Variants in CPQ observed in about 807,000 individuals in gnomAD.
CPQ encodes carboxypeptidase Q, also known as Ser-Met dipeptidase.
In CPQ, 37 loss-of-function variants were observed where a neutral mutation model predicts 45.7. That is an observed-to-expected ratio of 0.81 (90% CI 0.62 to 1.07). The LOEUF (loss-of-function observed/expected upper bound fraction) is 1.07. Among genes scored for constraint, CPQ ranks in the 50% least tolerant of loss-of-function variants. The pLI is 0.00. For missense variants in CPQ, 537 were observed against 572.9 expected (o/e 0.94, Z 0.64); for synonymous variants, 186 against 205.8 (o/e 0.90, Z 0.82).
intron 5 of CPQ, among the ~76,000 whole-genome samples, chr8:96,969,686 T>C (rs1813629768): frequency 6.6e-6 from 1 of 152,084 alleles, no homozygotes; most frequent in South Asian, 2.1e-4. Context: ...AGTCTTGGGA[T>C]TATAGGGGGA....
In CPQ at chr8:97,124,213, A is replaced by T. The variant is rs538413357; in HGVS notation, c.1256-18807A>T. On this transcript the variant is annotated intron_variant, in intron 7 of 7. Coordinates refer to ENST00000220763, the MANE Select transcript of CPQ (RefSeq NM_016134.4). Reference sequence around the variant, plus strand: ...TGCACTCCAGCCTGGGCGACAGAGCAAGACTCCGTCTCAAAAAAAAAAAAA... The same window carrying T: ...TGCACTCCAGCCTGGGCGACAGAGCTAGACTCCGTCTCAAAAAAAAAAAAA... 1.0e-3 allele frequency among the ~76,000 whole-genome samples: 140 copies of T among 139,510 alleles called. 1 individual carries two copies. The highest frequency in any genetic ancestry group is 1.7e-4 in the Non-Finnish European group (11 of 65,226). The allele number at this position is 139,510 out of a possible 152,430, so 91.5% of individuals were successfully genotyped here. A position where few individuals can be genotyped will look rare whatever the true frequency, so the allele number is the denominator to read the frequency against.
chr8:96,733,657 T>G (rs1311385819), intron 1 of CPQ, among the ~76,000 whole-genome samples: 1 of 152,164 alleles, frequency 6.6e-6, no homozygotes, highest in African/African-American at 2.4e-5. Flanking sequence ...AATAATACAT[T>G]TAATCCAATA....
intron 7 of CPQ, among the ~76,000 whole-genome samples, chr8:97,074,514 G>A (rs928380069): frequency 6.6e-6 from 1 of 152,216 alleles, no homozygotes; most frequent in African/African-American, 2.4e-5. Context: ...GCCCACGCCT[G>A]TAATCCCAGG....
At chr8:96,787,783 T>A (rs1463532449) in intron 2 of CPQ, among the ~76,000 whole-genome samples, 1 of 151,696 alleles carries the variant, frequency 6.6e-6, no homozygotes, top group Non-Finnish European at 1.5e-5. Context: ...TCAGTTTTAG[T>A]AGTTTGTGTC....
chr8:96,845,663 T>A (rs1263596940), intron 3 of CPQ, among the ~76,000 whole-genome samples: 1 of 151,976 alleles, frequency 6.6e-6, no homozygotes, highest in Non-Finnish European at 1.5e-5. Flanking sequence ...TTAAAAAAAA[T>A]TTTAGTAGAG....
At chr8:97,019,327 AC>A (rs1463854324) in intron 5 of CPQ, among the ~76,000 whole-genome samples, 17 of 152,150 alleles carry the variant, frequency 1.1e-4, no homozygotes, top group Non-Finnish European at 2.2e-4. Context: ...AAAGCAAAAA[AC>A]CAAAGTATAC....
At chr8:96,841,790 G>C (rs1201662621) in intron 3 of CPQ, among the ~76,000 whole-genome samples, 1 of 152,176 alleles carries the variant, frequency 6.6e-6, no homozygotes, top group African/African-American at 2.4e-5. Flanking sequence ...ATTCAGCTGG[G>C]GAGAGAGATG....
At chr8:96,765,897 G>A (rs2130794865) in intron 1 of CPQ, among the ~76,000 whole-genome samples, 1 of 152,274 alleles carries the variant, frequency 6.6e-6, no homozygotes, top group South Asian at 2.1e-4. Context: ...TCTAGAGATG[G>A]AGACTGAGAA....
chr8:96,884,101 T>C (rs908589899), intron 4 of CPQ, among the ~76,000 whole-genome samples: 4 of 152,340 alleles, frequency 2.6e-5, no homozygotes, highest in South Asian at 2.1e-4. Context: ...TATGAACACA[T>C]TGGCTCCCTC....
At chr8:97,003,123 C>T (rs185591816) in intron 5 of CPQ, among the ~76,000 whole-genome samples, 12 of 152,190 alleles carry the variant, frequency 7.9e-5, no homozygotes, top group African/African-American at 2.4e-5. Flanking sequence ...GATTTTCCTC[C>T]ATCCCTTTAT....
intron 1 of CPQ, among the ~76,000 whole-genome samples, chr8:96,725,148 G>A (rs991846438): frequency 6.6e-6 from 1 of 152,062 alleles, no homozygotes; most frequent in South Asian, 2.1e-4. Flanking sequence ...AACCTAGGAT[G>A]TACCATTCTG....
In CPQ at chr8:96,820,236, A is replaced by G. The variant is rs1349769990; in HGVS notation, c.434-14737A>G. 7.2e-5 allele frequency among the ~76,000 whole-genome samples: 11 copies of G among 152,150 alleles called. No individual in the cohort carries two copies. The South Asian group carries it at 2.1e-3, about 29-fold the overall frequency. ...GAGGCATTGTCCCTGTAAACTTTTC[A>G]TAAAGCAGCAGTGATTTCACCATTC... On this transcript the variant is annotated intron_variant, in intron 2 of 7. Coordinates refer to ENST00000220763, the MANE Select transcript of CPQ (RefSeq NM_016134.4).
Position 96,989,402 on chromosome 8 carries a change from A to AGAGGG in CPQ, c.961+23369_961+23373dup, listed in dbSNP as rs1038517706. Among the ~76,000 whole-genome samples the AGAGGG allele has an allele frequency of 1.7e-3, 229 of 130,978 alleles. 2 individuals carry two copies. Among genetic ancestry groups the AGAGGG allele is most frequent in the African/African-American group, 6.1e-3 (220 of 35,900 alleles). The allele number at this position is 130,978 out of a possible 152,430, so 85.9% of individuals were successfully genotyped here. ...AATGGAAGAAAGAATGAAAGGAAGG[A>AGAGGG]GAGGGGAGGGGAGGGGACAGGAGCG... On this transcript the variant is annotated intron_variant, in intron 5 of 7. Transcript: ENST00000220763.
At chr8:96,771,613 A>G (rs1433213054) in intron 1 of CPQ, among the ~76,000 whole-genome samples, 1 of 152,134 alleles carries the variant, frequency 6.6e-6, no homozygotes, top group Admixed American at 6.6e-5. Context: ...GAATGACTAT[A>G]AGAAGAAATG....
At chr8:96,733,407 G>C (rs1809939760) in intron 1 of CPQ, among the ~76,000 whole-genome samples, 1 of 152,096 alleles carries the variant, frequency 6.6e-6, no homozygotes, top group Admixed American at 6.5e-5. Context: ...CTTTGTATTT[G>C]ATACATGACT....
chr8:96,657,786 CCT>C (rs368132398), intron 1 of CPQ, among the ~76,000 whole-genome samples: 4 of 152,196 alleles, frequency 2.6e-5, no homozygotes, highest in African/African-American at 4.8e-5. Context: ...TGGTTTAGCC[CCT>C]GTTTCCAGCT....
At chr8:97,052,534 T>C (rs1586516399) in intron 6 of CPQ, among the ~76,000 whole-genome samples, 1 of 152,106 alleles carries the variant, frequency 6.6e-6, no homozygotes, top group African/African-American at 2.4e-5. Context: ...ATATTATATA[T>C]TTAATATTTT....
chr8:97,112,986 C>T (rs986656301), intron 7 of CPQ, among the ~76,000 whole-genome samples: 4 of 152,264 alleles, frequency 2.6e-5, no homozygotes, highest in Admixed American at 2.6e-4. Flanking sequence ...GAGGCCTGGA[C>T]CATTGGGGTC....
intron 4 of CPQ, among the ~76,000 whole-genome samples, chr8:96,895,117 AG>A (rs1375854475): frequency 6.6e-6 from 1 of 152,164 alleles, no homozygotes; most frequent in Non-Finnish European, 1.5e-5. Flanking sequence ...TTTGCATCCC[AG>A]TTGCAGCTCT....
Sources: gnomAD v4.1 joint callset for allele counts (sites outside exome capture counted in the v4.1 genomes callset) on GRCh38, gnomAD v4.1.1 for gene constraint, MANE v1.5 for transcripts, NCBI Gene and HGNC (gene_info 2026-07-23, HGNC 2026-07-21) for gene names.